The following TMEM232 variants were observed in gnomAD, a reference collection of about 807,000 sequenced individuals.
TMEM232 encodes the protein transmembrane protein 232.
A neutral mutation model predicts 78.8 loss-of-function variants in TMEM232; 80 were observed. The observed-to-expected ratio is 1.01, with a 90% CI of 0.85 to 1.22. The LOEUF (loss-of-function observed/expected upper bound fraction) is 1.22. TMEM232 is among the 50% of genes most tolerant of loss of function. TMEM232 has a pLI of 0.00. For missense variants in TMEM232, 881 were observed against 742.2 expected (o/e 1.19, Z -2.17); for synonymous variants, 297 against 254.3 (o/e 1.17, Z -1.60).
At chr5:110,453,852 T>C (rs377749279) in intron 12 of TMEM232, among the ~76,000 whole-genome samples, 5 of 150,228 alleles carry the variant, frequency 3.3e-5, no homozygotes, top group Non-Finnish European at 5.9e-5. Context: ...ACCAATGTTA[T>C]AAGACATCAG....
Position 110,638,219 on chromosome 5 carries a change from T to C in TMEM232, c.480A>G (p.Ser160=). 8.4e-6 allele frequency: 13 copies of C among 1,542,148 alleles called. No homozygotes were observed. Among genetic ancestry groups the C allele is most frequent in the Admixed American group, 2.0e-5 (1 of 49,138 alleles). Reference sequence around the variant, plus strand: ...ATACCTTTGCTAGCTTTATTTCAACTGAATATAAATATGTTTTGAGGGATG... The same window carrying C: ...ATACCTTTGCTAGCTTTATTTCAACCGAATATAAATATGTTTTGAGGGATG... The part of the protein sequence containing the change: ...CDASLKTYLY[S]VEIKLAKIGY... Residue 160 remains serine, a synonymous_variant, in exon 5 of 14, where the codon TCA becomes TCG. Coordinates refer to ENST00000455884, the MANE Select transcript of TMEM232 (RefSeq NM_001039763.4).
intron 3 of TMEM232, among the ~76,000 whole-genome samples, chr5:110,394,148 T>C (rs889590416): frequency 6.6e-6 from 1 of 152,144 alleles, no homozygotes; most frequent in Non-Finnish European, 1.5e-5. Flanking sequence ...TCTTTCTCCA[T>C]AAGTTCAATT....
intron 12 of TMEM232, among the ~76,000 whole-genome samples, chr5:110,442,580 G>C (rs546965207): frequency 6.6e-6 from 1 of 152,108 alleles, no homozygotes; most frequent in East Asian, 1.9e-4. Flanking sequence ...TTAGTTCTCT[G>C]TCTGAAAGGT....
chr5:110,539,179 C>G (rs567175118), intron 11 of TMEM232, among the ~76,000 whole-genome samples: 2 of 152,110 alleles, frequency 1.3e-5, no homozygotes, highest in East Asian at 3.9e-4. Flanking sequence ...AATAGCAGTG[C>G]CAGTCAAAAT....
chr5:110,620,583 C>CTA (rs1465257038), intron 7 of TMEM232, among the ~76,000 whole-genome samples: 73 of 5,926 alleles, frequency 0.012, 3 homozygotes, highest in African/African-American at 0.023. Flanking sequence ...TCATATCTCT[C>CTA]TCTCTCTCTC....
At chr5:110,477,279 C>G (rs1026852236) in intron 12 of TMEM232, among the ~76,000 whole-genome samples, 8 of 151,894 alleles carry the variant, frequency 5.3e-5, no homozygotes, top group Non-Finnish European at 8.8e-5. Context: ...AAGCACCAAA[C>G]TATCTTTAAC....
At position 110,625,497 on chromosome 5, in the gene TMEM232, T is replaced by C. The variant is rs533316755; in HGVS notation, c.602-64A>G. ...AATATTTTGCACTGTGTTTCATTTG[T>C]CTTTTAGCTATTAAACTATAATTAA... On this transcript the variant is annotated intron_variant, in intron 6 of 13. Coordinates refer to ENST00000455884, the MANE Select transcript of TMEM232 (RefSeq NM_001039763.4). The C allele has an allele frequency of 3.7e-6, 5 of 1,363,166 alleles. No homozygotes were observed. In the South Asian group the frequency reaches 6.9e-5, roughly 19 times the overall value. The allele number at this position is 1,363,166 out of a possible 1,614,324, so 84.4% of individuals were successfully genotyped here.
chr5:110,587,013 G>A (rs906610978), intron 10 of TMEM232, among the ~76,000 whole-genome samples: 2 of 151,982 alleles, frequency 1.3e-5, no homozygotes, highest in South Asian at 2.1e-4. Flanking sequence ...TGGGAAAATC[G>A]CAAGTTATAA....
intron 3 of TMEM232, among the ~76,000 whole-genome samples, chr5:110,396,381 C>G (rs1209834900): frequency 6.6e-6 from 1 of 152,008 alleles, no homozygotes; most frequent in East Asian, 1.9e-4. Context: ...TAGATATTCA[C>G]CTGGGAGGAA....
intron 11 of TMEM232, among the ~76,000 whole-genome samples, chr5:110,547,565 T>A (rs575965435): frequency 1.9e-4 from 29 of 152,264 alleles, no homozygotes; most frequent in Admixed American, 3.3e-4. Flanking sequence ...TTTTATAACC[T>A]AAGTCATAAA....
chr5:110,487,274 C>T (rs1764565811), intron 12 of TMEM232, among the ~76,000 whole-genome samples: 1 of 151,592 alleles, frequency 6.6e-6, no homozygotes, highest in African/African-American at 2.4e-5. Flanking sequence ...AGTTTGACTT[C>T]CTGTTTAGGA....
chr5:110,410,398 A>G (rs577516213), intron 2 of TMEM232, among the ~76,000 whole-genome samples: 19 of 152,308 alleles, frequency 1.2e-4, no homozygotes, highest in African/African-American at 3.8e-4. Flanking sequence ...TACTGAAGGA[A>G]TATCTCTTCT....
At chr5:110,565,499 G>A (rs56307920) in intron 11 of TMEM232, among the ~76,000 whole-genome samples, 2,590 of 151,938 alleles carry the variant, frequency 0.017, 41 homozygotes, top group Non-Finnish European at 0.028. Flanking sequence ...ACTTACTATC[G>A]CTGTCTGTGA....
chr5:110,643,292 T>A (rs1017185867), intron 2 of TMEM232, among the ~76,000 whole-genome samples: 5 of 151,922 alleles, frequency 3.3e-5, no homozygotes, highest in African/African-American at 9.7e-5. Flanking sequence ...GCCATCCAAG[T>A]GGAGATGGAG....
chr5:110,653,489 GGCAGGAACTCGAAA>G (rs1788612507), intron 2 of TMEM232, among the ~76,000 whole-genome samples: 1 of 152,192 alleles, frequency 6.6e-6, no homozygotes, highest in East Asian at 1.9e-4. Flanking sequence ...TTGAAGCCTT[GGCAGGAACTCGAAA>G]GGACAGAATA....
At chr5:110,661,423 C>G (rs1170958530) in intron 2 of TMEM232, among the ~76,000 whole-genome samples, 1 of 152,074 alleles carries the variant, frequency 6.6e-6, no homozygotes, top group African/African-American at 2.4e-5. Flanking sequence ...GTAACCCCCC[C>G]CACCTCATCT....
chr5:110,420,393 A>G lies in TMEM232; in HGVS notation c.*187T>C, dbSNP rs568979290. On this transcript the variant is annotated 3_prime_UTR_variant, in exon 14 of 14. Coordinates refer to ENST00000455884, the MANE Select transcript of TMEM232 (RefSeq NM_001039763.4). ...ATTCAAGTGTGATTAAAAGTTGGTC[A>G]TTAATTTAGAACTAAGAAATAACTA... 4.6e-5 allele frequency: 21 copies of G among 452,510 alleles called. No homozygotes were observed. In the South Asian group the frequency reaches 1.0e-3, roughly 22 times the overall value. 28.0% of individuals were successfully genotyped at this position (452,510 alleles called of 1,614,324 possible).
chr5:110,466,616 GTT>G (rs59026770), intron 12 of TMEM232, among the ~76,000 whole-genome samples: 1 of 143,422 alleles, frequency 7.0e-6, no homozygotes, highest in African/African-American at 2.6e-5. Context: ...GACAAGCATA[GTT>G]TTTTTTTTTT....
In TMEM232 at chr5:110,510,771, G is replaced by A. The variant is rs1047030864; in HGVS notation, c.1703+17817C>T. 5.9e-5 allele frequency among the ~76,000 whole-genome samples: 9 copies of A among 152,160 alleles called. No homozygotes were observed. The South Asian group carries it at 8.3e-4, about 14-fold the overall frequency. ...ACCATCTCATGCCAGTTAGAATGGC[G>A]ATCATTAAAAAGTCAGGAAACAACA... On this transcript the variant is annotated intron_variant, in intron 12 of 13. Transcript: ENST00000455884.
Sources: gnomAD v4.1 joint callset for allele counts (sites outside exome capture counted in the v4.1 genomes callset) on GRCh38, gnomAD v4.1.1 for gene constraint, MANE v1.5 for transcripts, NCBI Gene and HGNC (gene_info 2026-07-23, HGNC 2026-07-21) for gene names.